IQSEC2: variants seen among roughly 807,000 people sequenced by gnomAD.
IQSEC2 encodes IQ motif and SEC7 domain-containing protein 2.
A neutral mutation model predicts 74.6 loss-of-function variants in IQSEC2; 6 were observed. The ratio of observed to expected loss-of-function variants is 0.08; its 90% CI spans 0.04 to 0.16. IQSEC2 has a LOEUF of 0.16. Among genes scored for constraint, IQSEC2 ranks in the 10% least tolerant of loss-of-function variants. IQSEC2 has a pLI of 1.00. For synonymous variants in IQSEC2, 494 were observed against 544.5 expected (o/e 0.91, Z 1.29); for missense variants, 734 against 1,306.2 (o/e 0.56, Z 6.75).
intron 2 of IQSEC2, among the ~76,000 whole-genome samples, chrX:53,282,645 C>T (rs2074982913): frequency 8.9e-6 from 1 of 112,348 alleles, no homozygotes; most frequent in African/African-American, 3.2e-5. Context: ...CTCAAGAAAG[C>T]CAAAGCTACT....
chrX:53,228,849 A>G (rs1370566144), downstream of IQSEC2: 2 of 112,357 alleles, frequency 1.8e-5, no homozygotes, highest in South Asian at 3.7e-4. Flanking sequence ...GATGTCTAGT[A>G]TAGAAATATA....
At chrX:53,291,807 C>T (rs1460935378) in intron 2 of IQSEC2, 88 bp downstream of exon 2, 8 of 877,192 alleles carry the variant, frequency 9.1e-6, no homozygotes, top group Non-Finnish European at 1.3e-5. Flanking sequence ...CCTCCCCTTG[C>T]CCATGGATCC....
chrX:53,299,560 G>A (rs1297697166), intron 1 of IQSEC2, among the ~76,000 whole-genome samples: 1 of 111,126 alleles, frequency 9.0e-6, no homozygotes, highest in African/African-American at 3.3e-5. Context: ...AAGGAAGTTG[G>A]GGTTCCACTG....
intron 2 of IQSEC2, among the ~76,000 whole-genome samples, chrX:53,286,939 C>CAAAAAAAAAAAAAAAAA (rs11464309): frequency 1.7e-5 from 1 of 58,429 alleles, no homozygotes; most frequent in Non-Finnish European, 2.9e-5. Context: ...GTATCCGGCT[C>CAAAAAAAAAAAAAAAAA]AAAAAAAAAA....
intron 2 of IQSEC2, among the ~76,000 whole-genome samples, chrX:53,260,192 G>T (rs1358759881): frequency 8.9e-6 from 1 of 112,077 alleles, no homozygotes. Flanking sequence ...GGCCTTTCTG[G>T]AGCAATGGCA....
chrX:53,305,964 G>A (rs996667990), intron 1 of IQSEC2, among the ~76,000 whole-genome samples: 5 of 112,570 alleles, frequency 4.4e-5, no homozygotes, highest in East Asian at 5.6e-4. Context: ...CACAGGTATT[G>A]TAGCACAGAT....
chrX:53,260,473 A>T (rs1195970046), intron 2 of IQSEC2, among the ~76,000 whole-genome samples: 1 of 111,895 alleles, frequency 8.9e-6, no homozygotes, highest in African/African-American at 3.3e-5. Context: ...GAGGAGGGAC[A>T]TGATCTAACT....
At chrX:53,238,328 G>C in intron 11 of IQSEC2, 22 bp from the exon 12 acceptor site, 1 of 1,205,356 alleles carries the variant, frequency 8.3e-7, no homozygotes, top group Non-Finnish European at 1.1e-6. Context: ...GGGGAGACTG[G>C]GCACCTCTGT....
intron 8 of IQSEC2, among the ~76,000 whole-genome samples, chrX:53,244,525 C>CA (rs1190920344): frequency 0.13 from 6,402 of 47,537 alleles, 612 homozygotes; most frequent in African/African-American, 0.32. Context: ...GACCCTGTCT[C>CA]AAAAAAAAAA....
chrX:53,248,359 C>G, intron 6 of IQSEC2, 123 bp from the exon 7 acceptor site: 2 of 887,557 alleles, frequency 2.3e-6, no homozygotes, highest in Non-Finnish European at 3.2e-6. Flanking sequence ...GGACCTGTGG[C>G]CCGAGCAAGT....
In IQSEC2 at chrX:53,247,129, C is replaced by T; in HGVS notation, c.2589G>A (p.Arg863=). Residue 863 remains arginine, a synonymous_variant, in exon 8 of 15, where the codon CGG becomes CGA. Coordinates refer to ENST00000642864, the MANE Select transcript of IQSEC2 (RefSeq NM_001111125.3). ...CGAGGGCTGGGTTACAGACACAGTA[C>T]CGCTGGCTGCAGGGCAGGAGGGGTC... is the stretch of plus-strand genomic sequence containing the variant. ...VERLIEAFSQ[R]YCVCNPALVR... The T allele has an allele frequency of 1.7e-6, 2 of 1,209,767 alleles. No individual in the cohort carries two copies. The highest frequency in any genetic ancestry group is 1.8e-5 in the South Asian group (1 of 56,530).
chrX:53,294,846 A>G (rs986716135), intron 1 of IQSEC2, among the ~76,000 whole-genome samples: 5 of 111,326 alleles, frequency 4.5e-5, no homozygotes, highest in Non-Finnish European at 7.5e-5. Flanking sequence ...ATTTAGAGAC[A>G]GAGTCTTGCT....
intron 2 of IQSEC2, chrX:53,279,254 A>C (rs1487003362): frequency 3.8e-6 from 1 of 261,576 alleles, no homozygotes; most frequent in Non-Finnish European, 6.8e-6. Context: ...GCCCTTCCTC[A>C]GTCTATCCAA....
At chrX:53,259,661 G>A (rs1008787058) in intron 2 of IQSEC2, among the ~76,000 whole-genome samples, 4 of 110,641 alleles carry the variant, frequency 3.6e-5, no homozygotes, top group Non-Finnish European at 5.7e-5. Context: ...TTAGCCAGGC[G>A]TGGTGGCGCA....
intron 2 of IQSEC2, among the ~76,000 whole-genome samples, chrX:53,286,837 G>A (rs2075032543): frequency 9.2e-6 from 1 of 108,675 alleles, no homozygotes; most frequent in Non-Finnish European, 1.9e-5. Flanking sequence ...CTACTTGGGA[G>A]GCTGAGGCAG....
chrX:53,235,269 G>C, intron 14 of IQSEC2, 85 bp from the exon 15 acceptor site: 1 of 1,094,855 alleles, frequency 9.1e-7, no homozygotes, highest in Non-Finnish European at 1.2e-6. Context: ...CTGAGGGCTG[G>C]AGCTGGGGAG....
chrX:53,284,968 C>T (rs1449900826), intron 2 of IQSEC2, among the ~76,000 whole-genome samples: 1 of 112,404 alleles, frequency 8.9e-6, no homozygotes, highest in Non-Finnish European at 1.9e-5. Context: ...TCCAGCCTCC[C>T]GATAAACCTT....
Position 53,291,897 on chromosome X carries a change from G to A in IQSEC2, c.735C>T (p.Val245=). ...TACTAAAGAAAGGAGGTACTGACCT[G>A]ACTGTTCTGGAATTCTCACCATCAG... ...RKSDGENSRT[V]SVEGDAPGSD... Residue 245 remains valine (V), a splice_region_variant and synonymous_variant, in exon 2 of 15, where the codon GTC becomes GTT. Transcript: ENST00000642864. 8.6e-7 allele frequency: 1 copy of A among 1,165,359 alleles called. No individual in the cohort carries two copies. Among genetic ancestry groups the A allele is most frequent in the Non-Finnish European group, 1.1e-6 (1 of 871,283 alleles).
At chrX:53,314,879 T>C (rs1463339937) in intron 1 of IQSEC2, among the ~76,000 whole-genome samples, 1 of 110,875 alleles carries the variant, frequency 9.0e-6, no homozygotes, top group Admixed American at 9.6e-5. Flanking sequence ...CAGGGGGTGA[T>C]GGTGAGAGGG....
Sources: gnomAD v4.1 joint callset for allele counts (sites outside exome capture counted in the v4.1 genomes callset) on GRCh38, gnomAD v4.1.1 for gene constraint, MANE v1.5 for transcripts, NCBI Gene and HGNC (gene_info 2026-07-23, HGNC 2026-07-21) for gene names.